ZNF654: variants seen among roughly 807,000 people sequenced by gnomAD.
ZNF654 encodes the protein melanoma-associated antigen.
ZNF654 carries 19 observed loss-of-function variants against 95.3 expected under a neutral mutation model. The ratio of observed to expected loss-of-function variants is 0.20; its 90% confidence interval spans 0.14 to 0.29. ZNF654 has a LOEUF of 0.29. ZNF654 is among the 10% of genes least tolerant of loss of function. The pLI, the probability that ZNF654 is intolerant of heterozygous loss-of-function variation, is 1.00. For synonymous variants in ZNF654, 413 were observed against 457.9 expected (o/e 0.90, Z 1.25); for missense variants, 1,046 against 1,341.0 (o/e 0.78, Z 3.44).
chr3:88,090,317 C>G (rs1366501225), intron 2 of ZNF654, among the ~76,000 whole-genome samples: 3 of 152,004 alleles, frequency 2.0e-5, no homozygotes, highest in Non-Finnish European at 4.4e-5. Context: ...TATTGATGAC[C>G]CTGATTCTAT....
chr3:88,105,288 T>C (rs1205337865), intron 2 of ZNF654, among the ~76,000 whole-genome samples: 1 of 9,056 alleles, frequency 1.1e-4, no homozygotes. Flanking sequence ...CCACCCTGCT[T>C]TTTTTTACTT....
chr3:88,079,852 C>T (rs1707992570), intron 1 of ZNF654, among the ~76,000 whole-genome samples: 1 of 151,976 alleles, frequency 6.6e-6, no homozygotes, highest in Non-Finnish European at 1.5e-5. Flanking sequence ...TACTAAGCCC[C>T]CAGAAATACC....
rs80023255 is a variant in ZNF654 at position 88,143,498 on chromosome 3, G to A, written c.*1846G>A. On this transcript the variant is annotated 3_prime_UTR_variant, in exon 9 of 9. Transcript: ENST00000636215. Reference sequence around the variant, plus strand: ...AAGTATGTCTTGTAATAAAAAGTCTGTTTGGAAACTGGTTCATTTGGACAG... The same window carrying A: ...AAGTATGTCTTGTAATAAAAAGTCTATTTGGAAACTGGTTCATTTGGACAG... 2 of 152,184 alleles carry A rather than the reference G, an allele frequency of 1.3e-5. No individual in the cohort carries two copies. The highest frequency in any genetic ancestry group is 3.0e-5 in the Non-Finnish European group (2 of 67,724). 9.4% of individuals were successfully genotyped at this position (152,184 alleles called of 1,614,324 possible). A position where few individuals can be genotyped will look rare whatever the true frequency, so the allele number is the denominator to read the frequency against.
chr3:88,101,972 T>A (rs1328607598), intron 2 of ZNF654, among the ~76,000 whole-genome samples: 1 of 151,948 alleles, frequency 6.6e-6, no homozygotes, highest in Non-Finnish European at 1.5e-5. Context: ...ATCTATCAAA[T>A]TTTTTTGCCC....
chr3:88,140,049 A>C lies in ZNF654; in HGVS notation c.2380A>C (p.Arg794=). ...WSKGKCKFCQ[R]QFEDSQHFID... ...CAAAGGAAAATGCAAATTTTGTCAA[A>C]GGCAATTTGAAGATTCTCAACATTT... The change falls in exon 8 of 9, where the codon AGG becomes CGG. Residue 794 remains arginine, a synonymous_variant. Transcript: ENST00000636215. The C allele has an allele frequency of 6.2e-7, 1 of 1,613,778 alleles. No homozygotes were observed. The highest frequency in any genetic ancestry group is 8.5e-7 in the Non-Finnish European group (1 of 1,179,754).
rs1201713566 is a variant in ZNF654, at chr3:88,059,273, G to T, written c.-47G>T. On this transcript the variant is annotated 5_prime_UTR_variant, in exon 1 of 9. Coordinates refer to ENST00000636215, the MANE Select transcript of ZNF654 (RefSeq NM_001350134.2). ...GGAGGTTAGCCTAGGCATCTACGGC[G>T]GCGGCGGCGGCGCAGGGGCTGGTAC... 1.3e-6 allele frequency: 2 copies of T among 1,532,284 alleles called. No individual in the cohort carries two copies. The highest frequency in any genetic ancestry group is 2.7e-5 in the African/African-American group (2 of 72,926). 94.9% of individuals were successfully genotyped at this position (1,532,284 alleles called of 1,614,324 possible). A position where few individuals can be genotyped will look rare whatever the true frequency, so the allele number is the denominator to read the frequency against.
intron 6 of ZNF654, among the ~76,000 whole-genome samples, chr3:88,133,009 T>C (rs996108923): frequency 1.3e-5 from 2 of 152,198 alleles, no homozygotes; most frequent in African/African-American, 4.8e-5. Flanking sequence ...GCTAATGTTT[T>C]TCAAAATCTG....
At chr3:88,075,631 A>G (rs1263234601) in intron 1 of ZNF654, among the ~76,000 whole-genome samples, 3 of 152,214 alleles carry the variant, frequency 2.0e-5, no homozygotes, top group Non-Finnish European at 4.4e-5. Flanking sequence ...TATTGGCAGA[A>G]TAAACATTCC....
Position 88,138,822 on chromosome 3 carries a change from C to T in ZNF654, c.1153C>T (p.Pro385Ser). The T allele has an allele frequency of 8.1e-7, 1 of 1,231,908 alleles. No homozygotes were observed. The highest frequency in any genetic ancestry group is 3.2e-5 in the East Asian group (1 of 31,686). The allele number at this position is 1,231,908 out of a possible 1,614,324, so 76.3% of individuals were successfully genotyped here. Residue 385 changes from proline (P) to serine (S), a missense_variant, in exon 8 of 9, where the codon CCA (proline) becomes TCA (serine). Around this residue, in one of 9 missense-constraint regions of ZNF654, gnomAD observed 78 missense variants for 154.2 expected, o/e 0.51. Transcript: ENST00000636215. ...TTATAAAACAATTGCACATTTTTTGCCAAATGATTTGGAGATCCTCAGGAT... is the reference window on the plus strand; with the variant it reads ...TTATAAAACAATTGCACATTTTTTGTCAAATGATTTGGAGATCCTCAGGAT... Reference protein sequence around the residue: ...LIYKTIAHFLPNDLEILRICA... With the variant: ...LIYKTIAHFLSNDLEILRICA...
intron 1 of ZNF654, among the ~76,000 whole-genome samples, chr3:88,063,412 C>T (rs906663969): frequency 1.3e-5 from 2 of 152,102 alleles, no homozygotes; most frequent in African/African-American, 4.8e-5. Flanking sequence ...ATGGTATTCA[C>T]AGAAAAGAGA....
At position 88,077,171 on chromosome 3, in the gene ZNF654, T is replaced by C. The variant is rs151254012; in HGVS notation, c.187-9086T>C. On this transcript the variant is annotated intron_variant, in intron 1 of 8. Transcript: ENST00000636215. ...AGAATTTGGGAAGAAGATAAAAATA[T>C]AAGAATCAGAATAGGGGAGGAGGAT... Among the ~76,000 whole-genome samples, 1,190 of 152,222 alleles carry C rather than the reference T, an allele frequency of 7.8e-3. 21 individuals are homozygous for C. The highest frequency in any genetic ancestry group is 0.027 in the African/African-American group (1,133 of 41,518).
rs540205575 is a variant in ZNF654, at chr3:88,140,585, T to C, written c.2916T>C (p.Ser972=). 6.3e-5 allele frequency: 102 copies of C among 1,613,654 alleles called. No individual in the cohort carries two copies. The East Asian group carries it at 2.3e-3, about 36-fold the overall frequency. ...AGCCAAATTCTGAAAATAATTGTAG[T>C]AGTAGTGATATAGTCAATGGACACA... ...DIEPNSENNC[S]SSDIVNGHSE... is the part of the protein sequence containing the mutation. Residue 972 remains serine, a synonymous_variant, in exon 8 of 9, where the codon AGT becomes AGC. Transcript: ENST00000636215.
In ZNF654 at chr3:88,143,676, A is replaced by G. The variant is rs558308659; in HGVS notation, c.*2024A>G. On this transcript the variant is annotated 3_prime_UTR_variant, in exon 9 of 9. Coordinates refer to ENST00000636215, the MANE Select transcript of ZNF654 (RefSeq NM_001350134.2). ...CTGTTCATGCCAAGATGTTTCAAATATATTCCATTTGTAATCTGTCTTTAA... is the reference window on the plus strand; with the variant it reads ...CTGTTCATGCCAAGATGTTTCAAATGTATTCCATTTGTAATCTGTCTTTAA... 5 of 152,450 alleles carry G rather than the reference A, an allele frequency of 3.3e-5. No homozygotes were observed. The East Asian group carries it at 9.6e-4, about 29-fold the overall frequency. 9.4% of individuals were successfully genotyped at this position (152,450 alleles called of 1,614,324 possible).
At chr3:88,076,343 T>C (rs1255615372) in intron 1 of ZNF654, among the ~76,000 whole-genome samples, 1 of 152,204 alleles carries the variant, frequency 6.6e-6, no homozygotes, top group African/African-American at 2.4e-5. Context: ...CCAGTCACCC[T>C]TCCTTTATTA....
Position 88,139,167 on chromosome 3 carries a change from G to C in ZNF654, c.1498G>C (p.Asp500His). 1 of 1,352,624 alleles carries C rather than the reference G, an allele frequency of 7.4e-7. No homozygotes were observed. Among genetic ancestry groups the C allele is most frequent in the Non-Finnish European group, 9.5e-7 (1 of 1,051,096 alleles). 83.8% of individuals were successfully genotyped at this position (1,352,624 alleles called of 1,614,324 possible). Reference sequence around the variant, plus strand: ...ACAGCAAGGTTTGGATGAAGGGTTTGACTCTCTTACAGATCAGAGCACTGG... The same window carrying C: ...ACAGCAAGGTTTGGATGAAGGGTTTCACTCTCTTACAGATCAGAGCACTGG... ...EEQQGLDEGF[D>H]SLTDQSTGET... is the part of the protein sequence containing the mutation. The change falls in exon 8 of 9, where the codon GAC (aspartate) becomes CAC (histidine). Residue 500 changes from aspartate (D) to histidine (H), a missense_variant. Around this residue, in one of 9 missense-constraint regions of ZNF654, gnomAD observed 100 missense variants for 108.9 expected, o/e 0.92. Coordinates refer to ENST00000636215, the MANE Select transcript of ZNF654 (RefSeq NM_001350134.2).
chr3:88,084,637 G>T (rs1454918470), intron 1 of ZNF654, among the ~76,000 whole-genome samples: 2 of 152,192 alleles, frequency 1.3e-5, no homozygotes, highest in Non-Finnish European at 2.9e-5. Flanking sequence ...ACCTGGTACT[G>T]CCATTTGGAA....
At chr3:88,078,686 A>T (rs1707936034) in intron 1 of ZNF654, among the ~76,000 whole-genome samples, 1 of 152,104 alleles carries the variant, frequency 6.6e-6, no homozygotes. Flanking sequence ...TTTCTACTTT[A>T]AAAAAATGGA....
intron 1 of ZNF654, among the ~76,000 whole-genome samples, chr3:88,070,401 C>G (rs1198932509): frequency 6.6e-6 from 1 of 151,484 alleles, no homozygotes; most frequent in African/African-American, 2.4e-5. Flanking sequence ...GTTTTATTTG[C>G]ATTTTCTTGG....
rs1704761775 is a variant in ZNF654, at chr3:88,106,705, G to GTAATTAAAAA, written c.333-6409_333-6408insAATTAAAAAT. Among the ~76,000 whole-genome samples, 5 of 152,068 alleles carry GTAATTAAAAA rather than the reference G, an allele frequency of 3.3e-5. No individual in the cohort carries two copies. The South Asian group carries it at 1.0e-3, about 32-fold the overall frequency. On this transcript the variant is annotated intron_variant, in intron 2 of 8. Coordinates refer to ENST00000636215, the MANE Select transcript of ZNF654 (RefSeq NM_001350134.2). ...AATTTGTTTAATGCTTTTTTAAGCTGTGTAGATTTTTAAAATGTAATTAAA... is the reference window on the plus strand; with the variant it reads ...AATTTGTTTAATGCTTTTTTAAGCTGTAATTAAAAATGTAGATTTTTAAAATGTAATTAAA...
Sources: allele counts gnomAD v4.1 joint callset (sites outside exome capture counted in the v4.1 genomes callset), GRCh38; gene constraint gnomAD v4.1.1; regional missense constraint gnomAD v4.1.1; transcripts MANE v1.5; gene names NCBI Gene and HGNC (gene_info 2026-07-23, HGNC 2026-07-21).